The following KIAA1671 variants were observed in gnomAD, a reference collection of about 807,000 sequenced individuals.
KIAA1671 encodes KIAA1671.
A neutral mutation model predicts 131.2 loss-of-function variants in KIAA1671; 52 were observed. The ratio of observed to expected loss-of-function variants is 0.40; its 90% CI spans 0.32 to 0.50. The LOEUF is 0.50. Ranked by LOEUF, KIAA1671 falls within the 20% of genes least tolerant of loss-of-function variation. The pLI is 0.73. For synonymous variants in KIAA1671, 1,003 were observed against 961.6 expected (o/e 1.04, Z -0.80); for missense variants, 2,360 against 2,364.2 (o/e 1.00, Z 0.04).
At chr22:25,145,629 A>G (rs1323099524) in intron 6 of KIAA1671, among the ~76,000 whole-genome samples, 2 of 152,158 alleles carry the variant, frequency 1.3e-5, no homozygotes. Context: ...GCCAGCTCCA[A>G]GTCACTCAAT....
rs1214569495 is a variant in KIAA1671 at position 24,952,724 on chromosome 22, C to G, written c.-256C>G. On this transcript the variant is annotated 5_prime_UTR_variant, in exon 1 of 13. Coordinates refer to ENST00000358431, the MANE Select transcript of KIAA1671 (RefSeq NM_001145206.2). This position sits in a 1 kb window ranked among gnomAD's most constrained non-coding sequence, Gnocchi z 4.5. The stretch of plus-strand genomic sequence containing the variant: ...CTGCGGGCTCCCAGGGCAGGTGCCG[C>G]GGGCTGCGGGCAGGTGGCGGCGCGG... 1 of 154,462 alleles carries G rather than the reference C, an allele frequency of 6.5e-6. No homozygotes were observed. The highest frequency in any genetic ancestry group is 2.4e-5 in the African/African-American group (1 of 41,398). The allele number at this position is 154,462 out of a possible 1,614,324, so 9.6% of individuals were successfully genotyped here. A position where few individuals can be genotyped will look rare whatever the true frequency, so the allele number is the denominator to read the frequency against.
At chr22:25,112,514 C>G (rs999398218) in intron 6 of KIAA1671, 4 of 397,908 alleles carry the variant, frequency 1.0e-5, no homozygotes, top group Non-Finnish European at 1.8e-5. Flanking sequence ...AAGCTCCTCC[C>G]CTCCAGTCCT....
At position 25,118,441 on chromosome 22, in the gene KIAA1671, A is replaced by C. The variant is rs147716785; in HGVS notation, c.4531-52379A>C. 2.1e-3 allele frequency among the ~76,000 whole-genome samples: 313 copies of C among 152,246 alleles called. 1 individual carries two copies. Among genetic ancestry groups the C allele is most frequent in the Middle Eastern group, 3.4e-3 (1 of 294 alleles). ...GTAGCTGGGACTACAGGTGTACACC[A>C]CCACACCTACCTAATTTTTTTGTAT... On this transcript the variant is annotated intron_variant, in intron 6 of 12. Coordinates refer to ENST00000358431, the MANE Select transcript of KIAA1671 (RefSeq NM_001145206.2).
At chr22:25,126,840 C>T (rs1279428504) in intron 6 of KIAA1671, among the ~76,000 whole-genome samples, 2 of 152,220 alleles carry the variant, frequency 1.3e-5, no homozygotes, top group African/African-American at 4.8e-5. Flanking sequence ...GAGCTCCTAT[C>T]ATTTGCAAAA....
chr22:25,143,293 T>A lies in KIAA1671; in HGVS notation c.4531-27527T>A, dbSNP rs139951713. ...AGGAAACAGATGGAATGTGTGGGCC[T>A]CCACTCTCAGGGGTCTGAGGAGGAG... On this transcript the variant is annotated intron_variant, in intron 6 of 12. Transcript: ENST00000358431. Among the ~76,000 whole-genome samples, 19 of 152,290 alleles carry A rather than the reference T, an allele frequency of 1.2e-4. 1 individual carries two copies. In the East Asian group the frequency reaches 3.7e-3, roughly 29 times the overall value.
At chr22:24,958,095 G>A (rs545095259) in intron 1 of KIAA1671, among the ~76,000 whole-genome samples, 9 of 151,840 alleles carry the variant, frequency 5.9e-5, no homozygotes, top group African/African-American at 1.7e-4. Flanking sequence ...GTCACGCAGC[G>A]GGAAAGTGGA....
chr22:25,049,219 CTG>C lies in KIAA1671; in HGVS notation c.4396-7_4396-6del, dbSNP rs1197851010. 8.4e-6 allele frequency: 13 copies of C among 1,550,888 alleles called. No homozygotes were observed. The highest frequency in any genetic ancestry group is 1.1e-5 in the Non-Finnish European group (13 of 1,146,264). On this transcript the variant is annotated splice_polypyrimidine_tract_variant and intron_variant, in intron 5 of 12. Transcript: ENST00000358431. ...CCCAGTAAAGTCCTTTTCTTGTGCT[CTG>C]TGTTTCAGGTGCTGCCACGGGACCT...
intron 10 of KIAA1671, 33 bp from the exon 11 acceptor site, chr22:25,184,944 C>G (rs930089666): frequency 1.1e-5 from 17 of 1,550,092 alleles, no homozygotes; most frequent in Middle Eastern, 2.1e-4. Flanking sequence ...AGACAAAGGG[C>G]AGCTTATAGA....
At position 25,041,274 on chromosome 22, in the gene KIAA1671, C is replaced by T. The variant is rs1176924605; in HGVS notation, c.4144C>T (p.Arg1382Trp). 7.9e-5 allele frequency: 123 copies of T among 1,551,524 alleles called. 1 individual carries two copies. The East Asian group carries it at 2.0e-3, about 26-fold the overall frequency. ...AGGGACCCCAAGGAAATCCACCGGG[C>T]GGGGAGAGGAGGACAGTGTGGCCCA... ...KKGTPRKSTG[R>W]GEEDSVAQWG... The change falls in exon 5 of 13, where the codon CGG becomes TGG. Residue 1382 changes from arginine to tryptophan, a missense_variant. Around this residue, in one of 3 missense-constraint regions of KIAA1671, gnomAD observed 1,161 missense variants for 1,204.7 expected, o/e 0.96. Transcript: ENST00000358431.
intron 6 of KIAA1671, among the ~76,000 whole-genome samples, chr22:25,088,431 A>G (rs1330322678): frequency 6.6e-6 from 1 of 151,944 alleles, no homozygotes; most frequent in South Asian, 2.1e-4. Flanking sequence ...TTCCTCAAAC[A>G]CTTACTGAGT....
chr22:25,085,872 A>G (rs1929691827), intron 6 of KIAA1671, among the ~76,000 whole-genome samples: 1 of 152,150 alleles, frequency 6.6e-6, no homozygotes. Context: ...TCCCTGACAC[A>G]TAGTAGGCAC....
chr22:25,179,575 G>C (rs539483708), intron 9 of KIAA1671: 1 of 1,452,594 alleles, frequency 6.9e-7, no homozygotes, highest in South Asian at 1.2e-5. Flanking sequence ...GAACGGAGCC[G>C]CTTCCCCTGC....
At chr22:24,979,511 G>A (rs370062909) in intron 1 of KIAA1671, among the ~76,000 whole-genome samples, 34 of 151,058 alleles carry the variant, frequency 2.3e-4, no homozygotes, top group Admixed American at 6.0e-4. Flanking sequence ...CACCGCGCCC[G>A]GCTAATTTTT....
intron 7 of KIAA1671, among the ~76,000 whole-genome samples, chr22:25,172,786 T>G (rs1205768387): frequency 6.6e-6 from 1 of 152,194 alleles, no homozygotes; most frequent in Non-Finnish European, 1.5e-5. Flanking sequence ...AGGAAGAGAT[T>G]TCAGAAGTAG....
rs1035273272 is a variant in KIAA1671, at chr22:25,016,105, C to T, written c.-207-9528C>T. ...GTGTGATCTCGGCTCACTGCAACCA[C>T]CACCTCCCGGGCTCAAGCGATTCTC... is the stretch of plus-strand genomic sequence containing the variant. On this transcript the variant is annotated intron_variant, in intron 1 of 12. Coordinates refer to ENST00000358431, the MANE Select transcript of KIAA1671 (RefSeq NM_001145206.2). Among the ~76,000 whole-genome samples, 11 of 151,832 alleles carry T rather than the reference C, an allele frequency of 7.2e-5. No individual in the cohort carries two copies. In the East Asian group the frequency reaches 2.1e-3, roughly 29 times the overall value.
At chr22:25,129,416 C>T (rs533008828) in intron 6 of KIAA1671, among the ~76,000 whole-genome samples, 1 of 151,016 alleles carries the variant, frequency 6.6e-6, no homozygotes, top group Non-Finnish European at 1.5e-5. Context: ...CTGAGGCAGG[C>T]GAATCACTTG....
intron 6 of KIAA1671, among the ~76,000 whole-genome samples, chr22:25,088,868 G>T (rs532005135): frequency 7.1e-6 from 1 of 140,022 alleles, no homozygotes; most frequent in Admixed American, 7.1e-5. Context: ...CCTCCCATAT[G>T]TACATATGTA....
chr22:25,124,597 G>A (rs1932093387), intron 6 of KIAA1671, among the ~76,000 whole-genome samples: 1 of 152,226 alleles, frequency 6.6e-6, no homozygotes, highest in African/African-American at 2.4e-5. Context: ...AATTCTGCAA[G>A]CCTCAGATGC....
At chr22:25,035,106 G>A (rs1422007135) in intron 4 of KIAA1671, among the ~76,000 whole-genome samples, 8 of 144,148 alleles carry the variant, frequency 5.5e-5, no homozygotes, top group Non-Finnish European at 1.0e-4. Context: ...GTACAGTCAC[G>A]TGATCTCAGC....
Sources: allele counts gnomAD v4.1 joint callset (sites outside exome capture counted in the v4.1 genomes callset), GRCh38; gene constraint gnomAD v4.1.1; regional missense constraint gnomAD v4.1.1; non-coding constraint Gnocchi (gnomAD v3.1); transcripts MANE v1.5; gene names NCBI Gene and HGNC (gene_info 2026-07-23, HGNC 2026-07-21).